The following MLLT1 variants were observed in gnomAD, a reference collection of about 807,000 sequenced individuals.
MLLT1 encodes the protein MLLT1 super elongation complex subunit.
Under a neutral mutation model 55.1 loss-of-function variants are expected in MLLT1, and 11 were observed. The observed-to-expected ratio is 0.20, with a 90% CI of 0.13 to 0.33. The LOEUF (loss-of-function observed/expected upper bound fraction) is 0.33. MLLT1 is among the 10% of genes least tolerant of loss of function. The pLI is 1.00. For synonymous variants in MLLT1, 323 were observed against 320.1 expected (o/e 1.01, Z -0.10); for missense variants, 536 against 760.6 (o/e 0.70, Z 3.47).
intron 3 of MLLT1, among the ~76,000 whole-genome samples, chr19:6,241,254 C>T (rs576222144): frequency 2.6e-5 from 4 of 152,202 alleles, no homozygotes; most frequent in Non-Finnish European, 5.9e-5. Flanking sequence ...CGCCCCATCC[C>T]GAGAGCCCGT....
Position 6,226,875 on chromosome 19 carries a change from A to T in MLLT1, c.546+102T>A. On this transcript the variant is annotated intron_variant, in intron 5 of 11. Transcript: ENST00000252674. This position sits in a 1 kb window ranked among gnomAD's most constrained non-coding sequence, Gnocchi z 6.3. ...AGAGGAAGACGCCAAGGGAGCGAGC[A>T]GGTGCGGAAGGCCCAGCCCAGTGGA... 1.1e-6 allele frequency: 1 copy of T among 922,416 alleles called. No homozygotes were observed. Among genetic ancestry groups the T allele is most frequent in the Non-Finnish European group, 1.5e-6 (1 of 651,486 alleles). 57.1% of individuals were successfully genotyped at this position (922,416 alleles called of 1,614,324 possible).
rs943342766 is a variant in MLLT1 at position 6,226,650 on chromosome 19, G to A, written c.546+327C>T. On this transcript the variant is annotated intron_variant, in intron 5 of 11. Transcript: ENST00000252674. The surrounding 1 kb of genome is among the most constrained non-coding windows in gnomAD (Gnocchi z 6.3). ...GACAGAGACACTCTACCCAGCGGCC[G>A]CCCCAACAGCCTTCGGCGAAGGTCT... Among the ~76,000 whole-genome samples the A allele has an allele frequency of 2.6e-5, 4 of 152,144 alleles. 1 individual carries two copies. The highest frequency in any genetic ancestry group is 7.2e-5 in the African/African-American group (3 of 41,454).
intron 3 of MLLT1, among the ~76,000 whole-genome samples, chr19:6,253,850 A>G (rs1288058796): frequency 6.6e-6 from 1 of 152,164 alleles, no homozygotes; most frequent in African/African-American, 2.4e-5. Flanking sequence ...AGAAATATAT[A>G]TATTTGGTCT....
rs1600224610 is a variant in MLLT1, at chr19:6,279,641, A to G, written c.12+132T>C. 7 of 140,760 alleles carry G rather than the reference A, an allele frequency of 5.0e-5. No individual in the cohort carries two copies. In the Middle Eastern group the frequency reaches 0.011, roughly 223 times the overall value. 8.7% of individuals were successfully genotyped at this position (140,760 alleles called of 1,614,324 possible). The stretch of plus-strand genomic sequence containing the variant: ...CGCCCCCGCCCCACATAAAGGCCCG[A>G]GGAGCGGCGGGCGCGCACAAAGCGG... On this transcript the variant is annotated intron_variant, in intron 1 of 11. Transcript: ENST00000252674.
intron 2 of MLLT1, among the ~76,000 whole-genome samples, chr19:6,267,202 A>G (rs939410777): frequency 1.3e-5 from 2 of 152,030 alleles, no homozygotes; most frequent in Non-Finnish European, 2.9e-5. Context: ...CCTGGGTTCA[A>G]GCGATTCTCC....
chr19:6,215,282 T>C (rs1203415103), intron 8 of MLLT1, among the ~76,000 whole-genome samples: 1 of 152,138 alleles, frequency 6.6e-6, no homozygotes, highest in African/African-American at 2.4e-5. Flanking sequence ...TGCCAGCCCC[T>C]CTAGAACCGA....
intron 7 of MLLT1, chr19:6,216,773 G>T (rs892648893): frequency 2.1e-6 from 1 of 484,032 alleles, no homozygotes. Flanking sequence ...GGGACTGGCC[G>T]GCAGTGGGCG....
intron 2 of MLLT1, among the ~76,000 whole-genome samples, chr19:6,267,106 G>T (rs966151701): frequency 1.3e-5 from 2 of 151,684 alleles, no homozygotes; most frequent in South Asian, 4.2e-4. Flanking sequence ...ATCTCTAAAA[G>T]AATTTTTTTT....
chr19:6,214,701 TG>T (rs2090821483), intron 8 of MLLT1, among the ~76,000 whole-genome samples: 1 of 152,166 alleles, frequency 6.6e-6, no homozygotes, highest in Admixed American at 6.5e-5. Context: ...TCTGCGTGCC[TG>T]GGGTCCCGCT....
intron 3 of MLLT1, among the ~76,000 whole-genome samples, chr19:6,241,806 G>A (rs1204861517): frequency 3.3e-5 from 5 of 152,252 alleles, no homozygotes; most frequent in Admixed American, 2.6e-4. Flanking sequence ...GCATCCATGC[G>A]GCTTGTCACA....
chr19:6,222,070 G>A lies in MLLT1; in HGVS notation c.1110+51C>T, dbSNP rs776712756. On this transcript the variant is annotated intron_variant, in intron 6 of 11. Transcript: ENST00000252674. This position sits in a 1 kb window ranked among gnomAD's most constrained non-coding sequence, Gnocchi z 4.1. Reference sequence around the variant, plus strand: ...TTCCGCTGTTCCAGAAGGGAGGCGGGTCCCACCACACTGCCTGCACCTGGC... The same window carrying A: ...TTCCGCTGTTCCAGAAGGGAGGCGGATCCCACCACACTGCCTGCACCTGGC... 2.0e-5 allele frequency: 28 copies of A among 1,400,650 alleles called. No homozygotes were observed. The East Asian group carries it at 7.1e-4, about 35-fold the overall frequency. 86.8% of individuals were successfully genotyped at this position (1,400,650 alleles called of 1,614,324 possible).
At chr19:6,252,386 C>T (rs1237198847) in intron 3 of MLLT1, among the ~76,000 whole-genome samples, 2 of 152,188 alleles carry the variant, frequency 1.3e-5, no homozygotes, top group East Asian at 1.9e-4. Flanking sequence ...TCACGTGAGC[C>T]TATTCCCCCA....
chr19:6,271,953 GCCCCGTTCAGA>G, intron 1 of MLLT1, among the ~76,000 whole-genome samples: 1 of 152,342 alleles, frequency 6.6e-6, no homozygotes, highest in Non-Finnish European at 1.5e-5. Flanking sequence ...GCATTTCGAG[GCCCCGTTCAGA>G]CCCCGCCACC....
At chr19:6,255,065 T>C (rs2091247506) in intron 3 of MLLT1, among the ~76,000 whole-genome samples, 1 of 151,890 alleles carries the variant, frequency 6.6e-6, no homozygotes, top group African/African-American at 2.4e-5. Context: ...AAAAATTGTT[T>C]GTGCTGTCCA....
chr19:6,248,370 C>T (rs2091186275), intron 3 of MLLT1, among the ~76,000 whole-genome samples: 1 of 152,216 alleles, frequency 6.6e-6, no homozygotes, highest in African/African-American at 2.4e-5. Flanking sequence ...TAATTCCTCT[C>T]CCTTGAGTGT....
In MLLT1 at chr19:6,213,417, G is replaced by A. The variant is rs373741076; in HGVS notation, c.1480-9C>T. ...AGCTCATCCGTGTAGGCCTGGGGAG[G>A]GGGGGCAGGTCTCAGCAGCGTGTGG... is the stretch of plus-strand genomic sequence containing the variant. On this transcript the variant is annotated splice_polypyrimidine_tract_variant and intron_variant, in intron 10 of 11. Transcript: ENST00000252674. 6.8e-6 allele frequency: 11 copies of A among 1,609,904 alleles called. No homozygotes were observed. The highest frequency in any genetic ancestry group is 1.6e-4 in the Middle Eastern group (1 of 6,080).
rs928611791 is a variant in MLLT1 at position 6,211,958 on chromosome 19, C to A, written c.*1084G>T. ...GCCTGGGAGGGCCAGCCCGGCCAAC[C>A]CACCGGGCCTGCTGATGGCCGAGCC... On this transcript the variant is annotated 3_prime_UTR_variant, in exon 12 of 12. Coordinates refer to ENST00000252674, the MANE Select transcript of MLLT1 (RefSeq NM_005934.4). This position sits in a 1 kb window ranked among gnomAD's most constrained non-coding sequence, Gnocchi z 4.6. 4 of 1,065,212 alleles carry A rather than the reference C, an allele frequency of 3.8e-6. No individual in the cohort carries two copies. The highest frequency in any genetic ancestry group is 5.3e-5 in the Admixed American group (1 of 18,728). The allele number at this position is 1,065,212 out of a possible 1,614,324, so 66.0% of individuals were successfully genotyped here. A position where few individuals can be genotyped will look rare whatever the true frequency, so the allele number is the denominator to read the frequency against.
intron 3 of MLLT1, among the ~76,000 whole-genome samples, chr19:6,249,866 A>G (rs2091199069): frequency 6.6e-6 from 1 of 152,140 alleles, no homozygotes; most frequent in South Asian, 2.1e-4. Context: ...CTACAAAAAT[A>G]CAAAAATTAG....
At chr19:6,217,928 G>A (rs749323312) in intron 7 of MLLT1, 26 bp downstream of exon 7, 30 of 1,578,752 alleles carry the variant, frequency 1.9e-5, no homozygotes, top group Non-Finnish European at 2.6e-5. Context: ...CCCCATCCGT[G>A]CCCCCCAGCT....
Sources: gnomAD v4.1 joint callset for allele counts (sites outside exome capture counted in the v4.1 genomes callset) on GRCh38, gnomAD v4.1.1 for gene constraint, Gnocchi (gnomAD v3.1) non-coding constraint, MANE v1.5 for transcripts, NCBI Gene and HGNC (gene_info 2026-07-23, HGNC 2026-07-21) for gene names.